SYNDIG1L: variants seen among roughly 807,000 people sequenced by gnomAD.
SYNDIG1L encodes synapse differentiation-inducing gene protein 1-like.
Under a neutral mutation model 20.1 loss-of-function variants are expected in SYNDIG1L, and 13 were observed. The ratio of observed to expected loss-of-function variants is 0.65; its 90% CI spans 0.42 to 1.03. The LOEUF (loss-of-function observed/expected upper bound fraction) is 1.03. Among genes scored for constraint, SYNDIG1L ranks in the 50% least tolerant of loss-of-function variants. SYNDIG1L has a pLI of 0.00. For missense variants in SYNDIG1L, 294 were observed against 305.1 expected (o/e 0.96, Z 0.27); for synonymous variants, 128 against 129.3 (o/e 0.99, Z 0.07).
chr14:74,422,960 A>C (rs536683715), intron 1 of SYNDIG1L, among the ~76,000 whole-genome samples: 1 of 152,072 alleles, frequency 6.6e-6, no homozygotes, highest in African/African-American at 2.4e-5. Context: ...CAGCCTCCTA[A>C]AGTGCTGGGA....
chr14:74,438,448 G>A, the SYNDIG1L span, among the ~76,000 whole-genome samples: 3 of 152,144 alleles, frequency 2.0e-5, no homozygotes, highest in Non-Finnish European at 4.4e-5. Context: ...GGCAGGGGAT[G>A]GATGGGAATG....
At chr14:74,408,296 G>T (rs1418466704) in intron 2 of SYNDIG1L, among the ~76,000 whole-genome samples, 2 of 152,176 alleles carry the variant, frequency 1.3e-5, no homozygotes, top group African/African-American at 2.4e-5. Context: ...AGTCACAGCG[G>T]CTCACACCTG....
intron 1 of SYNDIG1L, among the ~76,000 whole-genome samples, chr14:74,413,156 A>G (rs1387414987): frequency 6.6e-6 from 1 of 152,110 alleles, no homozygotes; most frequent in Non-Finnish European, 1.5e-5. Flanking sequence ...CTATTCCCCC[A>G]TCACTGCTCC....
chr14:74,441,359 C>T, the SYNDIG1L span, among the ~76,000 whole-genome samples: 1 of 152,156 alleles, frequency 6.6e-6, no homozygotes, highest in African/African-American at 2.4e-5. Flanking sequence ...GAGCTCCTGC[C>T]CTGGCAGTGG....
At chr14:74,456,973 T>C in the SYNDIG1L span, among the ~76,000 whole-genome samples, 8 of 151,962 alleles carry the variant, frequency 5.3e-5, no homozygotes, top group African/African-American at 1.9e-4. Context: ...CTGAGAGAGA[T>C]GCTATCAGGA....
the SYNDIG1L span, among the ~76,000 whole-genome samples, chr14:74,437,797 G>A: frequency 6.6e-6 from 1 of 152,186 alleles, no homozygotes; most frequent in Admixed American, 6.5e-5. Flanking sequence ...AGTAGGAAAA[G>A]CTGAGTCCAA....
At chr14:74,422,023 T>C (rs1401130853) in intron 1 of SYNDIG1L, among the ~76,000 whole-genome samples, 1 of 152,202 alleles carries the variant, frequency 6.6e-6, no homozygotes, top group Non-Finnish European at 1.5e-5. Flanking sequence ...ATTGGGATGA[T>C]GGCTCTGCTA....
chr14:74,422,006 T>A (rs2086225603), intron 1 of SYNDIG1L, among the ~76,000 whole-genome samples: 1 of 152,216 alleles, frequency 6.6e-6, no homozygotes, highest in Admixed American at 6.5e-5. Context: ...TGAAAATTGC[T>A]GACAGGATTG....
chr14:74,441,871 A>C, the SYNDIG1L span, among the ~76,000 whole-genome samples: 1 of 152,156 alleles, frequency 6.6e-6, no homozygotes, highest in Non-Finnish European at 1.5e-5. Context: ...AATTTCCAAG[A>C]GTATGCAGAT....
the SYNDIG1L span, among the ~76,000 whole-genome samples, chr14:74,465,088 C>T: frequency 1.2e-4 from 19 of 152,336 alleles, no homozygotes; most frequent in Non-Finnish European, 1.6e-4. Flanking sequence ...CCCTGTGATT[C>T]AGGAGGCATG....
the SYNDIG1L span, among the ~76,000 whole-genome samples, chr14:74,459,067 G>C: frequency 6.6e-6 from 1 of 152,160 alleles, no homozygotes. Context: ...AGACAGCTTG[G>C]AGCTCTGAGA....
chr14:74,453,349 T>C, the SYNDIG1L span, among the ~76,000 whole-genome samples: 5 of 63,430 alleles, frequency 7.9e-5, no homozygotes, highest in Non-Finnish European at 1.1e-4. Flanking sequence ...TGAGACTCTG[T>C]CTCAAAAAAA....
intron 1 of SYNDIG1L, among the ~76,000 whole-genome samples, chr14:74,413,402 T>C (rs1595195409): frequency 6.6e-6 from 1 of 152,314 alleles, no homozygotes; most frequent in East Asian, 1.9e-4. Flanking sequence ...ACAATACAGT[T>C]GTACGAGGCC....
the SYNDIG1L span, among the ~76,000 whole-genome samples, chr14:74,461,559 A>G: frequency 6.6e-6 from 1 of 151,142 alleles, no homozygotes; most frequent in South Asian, 2.1e-4. Context: ...CTGCCCGAAA[A>G]CCTCATTCAA....
upstream of SYNDIG1L, among the ~76,000 whole-genome samples, chr14:74,430,787 T>A (rs1412968127): frequency 6.6e-6 from 1 of 151,828 alleles, no homozygotes; most frequent in Non-Finnish European, 1.5e-5. Flanking sequence ...TGAGACAGAG[T>A]CTTACTCTGT....
At chr14:74,416,496 T>C (rs1438830210) in intron 1 of SYNDIG1L, among the ~76,000 whole-genome samples, 2 of 152,094 alleles carry the variant, frequency 1.3e-5, no homozygotes, top group Non-Finnish European at 2.9e-5. Flanking sequence ...CAATCAGGTG[T>C]GGTGGTGCAC....
the SYNDIG1L span, among the ~76,000 whole-genome samples, chr14:74,466,355 T>C: frequency 2.0e-5 from 3 of 152,062 alleles, no homozygotes; most frequent in Non-Finnish European, 2.9e-5. Flanking sequence ...GATAGATGGA[T>C]GGATGGATAA....
chr14:74,410,303 G>C (rs757254218), intron 1 of SYNDIG1L, among the ~76,000 whole-genome samples: 3 of 152,160 alleles, frequency 2.0e-5, no homozygotes, highest in Non-Finnish European at 4.4e-5. Context: ...AAGAGTGTGG[G>C]TCAATGAGGT....
chr14:74,425,166 C>T (rs2086254756), intron 1 of SYNDIG1L, among the ~76,000 whole-genome samples: 1 of 152,084 alleles, frequency 6.6e-6, no homozygotes, highest in South Asian at 2.1e-4. Context: ...CCTGAATGAG[C>T]TCATTCAGCG....
Sources: gnomAD v4.1 joint callset for allele counts (sites outside exome capture counted in the v4.1 genomes callset) on GRCh38, gnomAD v4.1.1 for gene constraint, MANE v1.5 for transcripts, NCBI Gene and HGNC (gene_info 2026-07-23, HGNC 2026-07-21) for gene names.